Variants in HIF3A observed in about 807,000 individuals in gnomAD.
HIF3A encodes hypoxia-inducible factor 3-alpha.
HIF3A carries 41 observed loss-of-function variants against 67.2 expected under a neutral mutation model. The observed-to-expected ratio is 0.61, with a 90% CI of 0.48 to 0.79. The LOEUF is 0.79. HIF3A is among the 30% of genes least tolerant of loss of function. The pLI, the probability that HIF3A is intolerant of heterozygous loss-of-function variation, is 0.00. For missense variants in HIF3A, 855 were observed against 898.0 expected (o/e 0.95, Z 0.61); for synonymous variants, 356 against 374.8 (o/e 0.95, Z 0.58).
chr19:46,305,015 A>G, intron 2 of HIF3A: 2 of 661,136 alleles, frequency 3.0e-6, no homozygotes, highest in South Asian at 1.6e-5. Context: ...GGAGACTCCT[A>G]CTTCCTTAGA....
chr19:46,325,600 A>G lies in HIF3A; in HGVS notation c.1401A>G (p.Lys467=), dbSNP rs772476827. 1.5e-5 allele frequency: 25 copies of G among 1,613,280 alleles called. No individual in the cohort carries two copies. The highest frequency in any genetic ancestry group is 3.3e-4 in the Middle Eastern group (2 of 6,082). ...TGCACAGACTCTTCACCTCCGGGAA[A>G]GACACTGAGGCAGTGGAGACAGATT... The part of the protein sequence containing the change: ...ENVHRLFTSG[K]DTEAVETDLD... The change falls in exon 11 of 15, where the codon AAA becomes AAG. Residue 467 remains lysine, a synonymous_variant. Coordinates refer to ENST00000377670, the MANE Select transcript of HIF3A (RefSeq NM_152795.4).
intron 1 of HIF3A, chr19:46,303,539 C>A: frequency 7.3e-7 from 1 of 1,360,572 alleles, no homozygotes; most frequent in Non-Finnish European, 9.9e-7. Context: ...CTCAGCCAGC[C>A]CCCTCCCAGC....
rs940455488 is a variant in HIF3A at position 46,341,121 on chromosome 19, C to T, written c.*1499C>T. ...TTTCCTCTGGTTCTGGACCCCACAA[C>T]TCCAAGCTTCCTATTGGTTCCAGTT... On this transcript the variant is annotated 3_prime_UTR_variant, in exon 15 of 15. Transcript: ENST00000377670. The T allele has an allele frequency of 1.3e-5, 2 of 152,110 alleles. No homozygotes were observed. Among genetic ancestry groups the T allele is most frequent in the Admixed American group, 6.6e-5 (1 of 15,250 alleles). The allele number at this position is 152,110 out of a possible 1,614,324, so 9.4% of individuals were successfully genotyped here.
intron 7 of HIF3A, 75 bp from the exon 8 acceptor site, chr19:46,312,431 A>AT (rs1195444610): frequency 1.3e-6 from 2 of 1,596,820 alleles, no homozygotes; most frequent in African/African-American, 2.8e-5. Flanking sequence ...TTGCCCCCTC[A>AT]TACCCAGTCC....
chr19:46,328,191 C>T, intron 11 of HIF3A, among the ~76,000 whole-genome samples: 1 of 152,184 alleles, frequency 6.6e-6, no homozygotes, highest in South Asian at 2.1e-4. Flanking sequence ...CAAAAACTAT[C>T]TAGGGGCTCA....
At position 46,334,940 on chromosome 19, in the gene HIF3A, C is replaced by T; in HGVS notation, c.1866C>T (p.Ser622=). 1 of 1,609,292 alleles carries T rather than the reference C, an allele frequency of 6.2e-7. No homozygotes were observed. The highest frequency in any genetic ancestry group is 2.2e-5 in the East Asian group (1 of 44,732). ...TGACAGGAGGACCAGCCCCAGGGAG[C>T]CTGCAGGACCCCAGCACCCCACTCC... The part of the protein sequence containing the change: ...FLLTGGPAPG[S]LQDPSTPLLN... The change falls in exon 14 of 15, where the codon AGC becomes AGT. Residue 622 remains serine (S), a synonymous_variant. Transcript: ENST00000377670.
In HIF3A at chr19:46,323,549, G is replaced by A. The variant is rs117800885; in HGVS notation, c.1335+1583G>A. ...AAAGACTGTTCTAACAAAAGACAAC[G>A]GCCATGGGAGTTTGACCCAGGAACC... On this transcript the variant is annotated intron_variant, in intron 10 of 14. Transcript: ENST00000377670. 5.2e-4 allele frequency among the ~76,000 whole-genome samples: 79 copies of A among 152,100 alleles called. 1 individual carries two copies. The East Asian group carries it at 0.015, about 29-fold the overall frequency.
chr19:46,300,745 A>G (rs1968249264), intron 1 of HIF3A, among the ~76,000 whole-genome samples: 1 of 152,206 alleles, frequency 6.6e-6, no homozygotes, highest in South Asian at 2.1e-4. Flanking sequence ...TAAGTAGTAG[A>G]GTCAGGATTG....
rs1408935826 is a variant in HIF3A at position 46,340,006 on chromosome 19, A to G, written c.*384A>G. On this transcript the variant is annotated 3_prime_UTR_variant, in exon 15 of 15. Coordinates refer to ENST00000377670, the MANE Select transcript of HIF3A (RefSeq NM_152795.4). ...GTGTTTCCAGGTTCTGGGGAGAACA[A>G]TGATCCACGGGTCAACGTGATCACA... 9.8e-6 allele frequency: 2 copies of G among 203,330 alleles called. No individual in the cohort carries two copies. The highest frequency in any genetic ancestry group is 2.0e-5 in the Non-Finnish European group (2 of 102,306). The allele number at this position is 203,330 out of a possible 1,614,324, so 12.6% of individuals were successfully genotyped here. A position where few individuals can be genotyped will look rare whatever the true frequency, so the allele number is the denominator to read the frequency against.
Position 46,339,777 on chromosome 19 carries a change from C to T in HIF3A, c.*155C>T, listed in dbSNP as rs1433441961. 3 of 464,528 alleles carry T rather than the reference C, an allele frequency of 6.5e-6. No individual in the cohort carries two copies. The highest frequency in any genetic ancestry group is 6.0e-5 in the African/African-American group (3 of 50,334). 28.8% of individuals were successfully genotyped at this position (464,528 alleles called of 1,614,324 possible). A position where few individuals can be genotyped will look rare whatever the true frequency, so the allele number is the denominator to read the frequency against. ...CACCTCGGGCCTACCTCAGCCCTCA[C>T]CCCTCTGCCTGCTCCCAATCTGGGG... On this transcript the variant is annotated 3_prime_UTR_variant, in exon 15 of 15. Transcript: ENST00000377670.
chr19:46,305,769 A>C (rs908746056), intron 3 of HIF3A, among the ~76,000 whole-genome samples: 21 of 152,308 alleles, frequency 1.4e-4, no homozygotes, highest in Admixed American at 4.6e-4. Flanking sequence ...GGAAAAAAAA[A>C]CAGAATAATT....
chr19:46,329,724 C>T lies in HIF3A; in HGVS notation c.1712+246C>T, dbSNP rs370828336. ...TCCAAATCCCACCTGTCAACCAGGGCTCTCTCCTTTGGAACATAGTTATAT... is the reference window on the plus strand; with the variant it reads ...TCCAAATCCCACCTGTCAACCAGGGTTCTCTCCTTTGGAACATAGTTATAT... On this transcript the variant is annotated intron_variant, in intron 12 of 14. Transcript: ENST00000377670. Among the ~76,000 whole-genome samples, 11 of 152,270 alleles carry T rather than the reference C, an allele frequency of 7.2e-5. No individual in the cohort carries two copies. The East Asian group carries it at 1.5e-3, about 21-fold the overall frequency.
At position 46,321,901 on chromosome 19, in the gene HIF3A, G is replaced by A. The variant is rs777707615; in HGVS notation, c.1270G>A (p.Gly424Arg). ...TCGCCTCCTGGGACCCATCCTGGAT[G>A]GGGCTTCAGTAGCAGCCACTCCCAG... ...LRRLLGPILD[G>R]ASVAATPSTP... The change falls in exon 10 of 15, where the codon GGG becomes AGG. Residue 424 changes from glycine (G) to arginine (R), a missense_variant. Physicochemically the swap from Gly to Arg is moderately radical, Grantham distance 125. This residue lies in a region of HIF3A where 638 missense variants were observed against 660.5 expected (regional missense o/e 0.97). Transcript: ENST00000377670. The A allele has an allele frequency of 6.2e-7, 1 of 1,613,938 alleles. No homozygotes were observed. The highest frequency in any genetic ancestry group is 1.1e-5 in the South Asian group (1 of 91,076).
At chr19:46,308,441 G>T in intron 4 of HIF3A, 136 bp downstream of exon 4, 2 of 673,548 alleles carry the variant, frequency 3.0e-6, no homozygotes, top group Non-Finnish European at 2.6e-6. Flanking sequence ...CCCTGCCCTG[G>T]GGTCTATGGG....
intron 4 of HIF3A, 131 bp from the exon 5 acceptor site, chr19:46,308,532 G>A (rs1439011702): frequency 6.1e-6 from 4 of 653,680 alleles, no homozygotes; most frequent in South Asian, 3.9e-5. Flanking sequence ...CTACCCCTGG[G>A]GGACCCTCTC....
At chr19:46,301,753 C>T (rs865882284) in intron 1 of HIF3A, among the ~76,000 whole-genome samples, 47 of 150,220 alleles carry the variant, frequency 3.1e-4, no homozygotes, top group Admixed American at 2.2e-3. Flanking sequence ...ACCCGGCAGG[C>T]GGAGGCTGCA....
intron 4 of HIF3A, 70 bp downstream of exon 4, chr19:46,308,375 A>G (rs1969091245): frequency 1.1e-6 from 1 of 928,732 alleles, no homozygotes; most frequent in South Asian, 1.5e-5. Flanking sequence ...CTCCCTCAGC[A>G]TATCCCCACC....
chr19:46,338,606 A>G, intron 14 of HIF3A: 1 of 888,462 alleles, frequency 1.1e-6, no homozygotes, highest in Non-Finnish European at 1.4e-6. Flanking sequence ...CACCAGTACT[A>G]GTTATGGTTC....
In HIF3A at chr19:46,297,329, G is replaced by C. The variant is rs1377338317; in HGVS notation, c.26+227G>C. ...CGCCCCTCTGGCCAAGAGCGGCTTCGGGGTTCCCGATTTCTCGCTACCCAA... is the reference window on the plus strand; with the variant it reads ...CGCCCCTCTGGCCAAGAGCGGCTTCCGGGTTCCCGATTTCTCGCTACCCAA... On this transcript the variant is annotated intron_variant, in intron 1 of 14. Coordinates refer to ENST00000377670, the MANE Select transcript of HIF3A (RefSeq NM_152795.4). The surrounding 1 kb of genome is among the most constrained non-coding windows in gnomAD (Gnocchi z 4.5). 1.3e-5 allele frequency among the ~76,000 whole-genome samples: 2 copies of C among 152,138 alleles called. No homozygotes were observed. Among genetic ancestry groups the C allele is most frequent in the African/African-American group, 2.4e-5 (1 of 41,436 alleles).
Sources: allele counts gnomAD v4.1 joint callset (sites outside exome capture counted in the v4.1 genomes callset), GRCh38; gene constraint gnomAD v4.1.1; regional missense constraint gnomAD v4.1.1; non-coding constraint Gnocchi (gnomAD v3.1); transcripts MANE v1.5; gene names NCBI Gene and HGNC (gene_info 2026-07-23, HGNC 2026-07-21).